ATP12A: variants seen among roughly 807,000 people sequenced by gnomAD.
ATP12A encodes the protein ATPase H+/K+ transporting non-gastric alpha2 subunit, also known as potassium-transporting ATPase alpha chain 2.
ATP12A carries 81 observed loss-of-function variants against 111.2 expected under a neutral mutation model. The observed-to-expected ratio is 0.73, with a 90% CI of 0.61 to 0.88. The LOEUF (loss-of-function observed/expected upper bound fraction) is 0.88, where lower values mean the gene tolerates loss of function less well. Ranked by LOEUF, ATP12A falls within the 40% of genes least tolerant of loss-of-function variation. The probability of loss-of-function intolerance (pLI) is 0.00; values close to 1 mark genes in which losing one functional copy is unlikely to be tolerated. For synonymous variants in ATP12A, 498 were observed against 499.8 expected, an observed-to-expected ratio of 1.00 and a Z score of 0.05; for missense variants, 1,196 against 1,313.1, an observed-to-expected ratio of 0.91 and a Z score of 1.38.
intron 17 of ATP12A, among the ~76,000 whole-genome samples, chr13:24,708,215 C>A (rs951404239): frequency 1.3e-5 from 2 of 152,154 alleles, no homozygotes; most frequent in African/African-American, 2.4e-5. Context: ...AAGCCTTGCC[C>A]TACAGTAATG....
At position 24,690,344 on chromosome 13, in the gene ATP12A, C is replaced by G. The variant is rs764017849; in HGVS notation, c.553C>G (p.Leu185Val). 14 of 1,612,694 alleles carry G rather than the reference C, an allele frequency of 8.7e-6. No homozygotes were observed. The highest frequency in any genetic ancestry group is 1.2e-5 in the Non-Finnish European group (14 of 1,179,788). Residue 185 changes from leucine (L) to valine (V), a missense_variant, in exon 6 of 23, where the codon CTC becomes GTC. Leu to Val is a conservative substitution (Grantham distance 32, BLOSUM62 1). Around this residue, in one of 3 missense-constraint regions of ATP12A, gnomAD observed 1,126 missense variants for 1,228.5 expected, o/e 0.92. Transcript: ENST00000381946. Reference protein sequence around the residue: ...SFNKMIPQQALVIRDSEKKTI... With the variant: ...SFNKMIPQQAVVIRDSEKKTI... Reference sequence around the variant, plus strand: ...TCATGGTTTTTTTCTGCAGCAAGCTCTCGTCATCCGAGATTCCGAGAAGAA... The same window carrying G: ...TCATGGTTTTTTTCTGCAGCAAGCTGTCGTCATCCGAGATTCCGAGAAGAA...
At chr13:24,684,090 T>TC (rs1164567411) in intron 2 of ATP12A, among the ~76,000 whole-genome samples, 2 of 139,938 alleles carry the variant, frequency 1.4e-5, no homozygotes, top group Admixed American at 7.5e-5. Context: ...CATGCTCTCA[T>TC]CCCCCAGCCC....
At position 24,685,265 on chromosome 13, in the gene ATP12A, T is replaced by C; in HGVS notation, c.169-49T>C. On this transcript the variant is annotated intron_variant, in intron 2 of 22. Coordinates refer to ENST00000381946, the MANE Select transcript of ATP12A (RefSeq NM_001676.7). This position sits in a 1 kb window ranked among gnomAD's most constrained non-coding sequence, Gnocchi z 5.5. ...GGCTGGTCAAAGCTTGGGGCTTGAG[T>C]CTTTTGGAATTATCTAATTCACTCT... 6.4e-7 allele frequency: 1 copy of C among 1,574,098 alleles called. No individual in the cohort carries two copies. Among genetic ancestry groups the C allele is most frequent in the Middle Eastern group, 1.7e-4 (1 of 5,996 alleles).
At chr13:24,694,646 T>C in intron 11 of ATP12A, 68 bp downstream of exon 11, 1 of 1,599,946 alleles carries the variant, frequency 6.3e-7, no homozygotes, top group Non-Finnish European at 8.5e-7. Context: ...GCATGCATCC[T>C]TTGCTTACCT....
chr13:24,706,831 G>A (rs1167292994), intron 15 of ATP12A, among the ~76,000 whole-genome samples, 192 bp from the exon 16 acceptor site: 1 of 152,164 alleles, frequency 6.6e-6, no homozygotes, highest in African/African-American at 2.4e-5. Flanking sequence ...TCATTTGCAC[G>A]TATCTTGTTT....
chr13:24,710,649 TGATG>T (rs753375261), intron 20 of ATP12A, 56 bp downstream of exon 20: 3 of 1,611,480 alleles, frequency 1.9e-6, no homozygotes, highest in East Asian at 2.2e-5. Flanking sequence ...GCAAGGATGA[TGATG>T]ATTTGTTTTT....
chr13:24,693,262 G>C (rs189229592), intron 10 of ATP12A, among the ~76,000 whole-genome samples: 1 of 152,108 alleles, frequency 6.6e-6, no homozygotes, highest in Non-Finnish European at 1.5e-5. Context: ...AAGGACTCCT[G>C]TTAACTAGAA....
rs1301077035 is a variant in ATP12A at position 24,699,003 on chromosome 13, G to A, written c.1705+153G>A. ...AGCAGGATGGGAACAAGGAGAGGAT[G>A]CTGTGTGACAGCACCAAGCAGGGTG... On this transcript the variant is annotated intron_variant, in intron 12 of 22. Coordinates refer to ENST00000381946, the MANE Select transcript of ATP12A (RefSeq NM_001676.7). 8.5e-5 allele frequency among the ~76,000 whole-genome samples: 13 copies of A among 152,306 alleles called. 4 individuals are homozygous for A. The highest frequency in any genetic ancestry group is 7.8e-4 in the Admixed American group (12 of 15,300).
chr13:24,692,306 TC>T, intron 8 of ATP12A, 122 bp from the exon 9 acceptor site: 1 of 1,036,248 alleles, frequency 9.7e-7, no homozygotes, highest in East Asian at 2.6e-5. Flanking sequence ...ACCACACCTC[TC>T]CCCTAAAACT....
At chr13:24,688,620 G>C in intron 4 of ATP12A, 98 bp downstream of exon 4, 1 of 1,181,100 alleles carries the variant, frequency 8.5e-7, no homozygotes, top group Non-Finnish European at 1.1e-6. Context: ...GCCTAGGTGT[G>C]GGAAAGTCAG....
chr13:24,686,726 G>C (rs548327418), intron 3 of ATP12A, among the ~76,000 whole-genome samples: 1 of 151,974 alleles, frequency 6.6e-6, no homozygotes, highest in East Asian at 1.9e-4. Flanking sequence ...GCGACAGAGC[G>C]AGACTCTGTC....
rs9581148 is a variant in ATP12A, at chr13:24,685,915, A to C, written c.228+542A>C. Among the ~76,000 whole-genome samples, 21,569 of 152,226 alleles carry C rather than the reference A, an allele frequency of 0.14. 1,604 individuals carry two copies. Among genetic ancestry groups the C allele is most frequent in the Middle Eastern group, 0.23 (67 of 292 alleles). On this transcript the variant is annotated intron_variant, in intron 3 of 22. Transcript: ENST00000381946. This position sits in a 1 kb window ranked among gnomAD's most constrained non-coding sequence, Gnocchi z 5.5. ...GAGGGGACAGGTGCAGCAGGAATGAAGCCAGGAAGGTCATCTGGGTGAAGC... is the reference window on the plus strand; with the variant it reads ...GAGGGGACAGGTGCAGCAGGAATGACGCCAGGAAGGTCATCTGGGTGAAGC...
At position 24,691,191 on chromosome 13, in the gene ATP12A, A is replaced by G; in HGVS notation, c.1009A>G (p.Ile337Val). 1 of 1,614,012 alleles carries G rather than the reference A, an allele frequency of 6.2e-7. No individual in the cohort carries two copies. Among genetic ancestry groups the G allele is most frequent in the South Asian group, 1.1e-5 (1 of 91,068 alleles). ...SLKYQVLDSI[I>V]FLIGIIVANV... ...GAAGTATCAAGTCCTGGACTCCATC[A>G]TCTTCCTCATTGGCATCATTGTGGC... The change falls in exon 8 of 23, where the codon ATC (isoleucine) becomes GTC (valine). Residue 337 changes from isoleucine to valine, a missense_variant. Physicochemically the swap from Ile to Val is conservative, Grantham distance 29. This residue lies in a region of ATP12A where 1,126 missense variants were observed against 1,228.5 expected (regional missense o/e 0.92). Transcript: ENST00000381946.
chr13:24,707,458 C>A, intron 17 of ATP12A, 25 bp downstream of exon 17: 1 of 1,613,694 alleles, frequency 6.2e-7, no homozygotes, highest in Non-Finnish European at 8.5e-7. Context: ...AGGGAACAGG[C>A]TGTGATGCCT....
intron 12 of ATP12A, among the ~76,000 whole-genome samples, chr13:24,700,120 A>G (rs1392333120): frequency 3.9e-5 from 6 of 152,206 alleles, no homozygotes; most frequent in African/African-American, 9.7e-5. Flanking sequence ...CACCAGACAC[A>G]AGAGTCCCTT....
At chr13:24,694,359 A>C in intron 10 of ATP12A, 85 bp from the exon 11 acceptor site, 1 of 1,526,836 alleles carries the variant, frequency 6.5e-7, no homozygotes, top group South Asian at 1.2e-5. Context: ...TAATGGGATC[A>C]GGAGGGTGTG....
Position 24,711,567 on chromosome 13 carries a change from C to G in ATP12A, c.*45C>G, listed in dbSNP as rs1178947320. On this transcript the variant is annotated 3_prime_UTR_variant, in exon 23 of 23. Transcript: ENST00000381946. ...TCTCTCAGCAGCACGTTGGGGCACA[C>G]TTGTTCATCTTCTGACCGTTTGCTG... is the stretch of plus-strand genomic sequence containing the variant. The G allele has an allele frequency of 3.1e-6, 5 of 1,611,806 alleles. No individual in the cohort carries two copies. The highest frequency in any genetic ancestry group is 4.2e-6 in the Non-Finnish European group (5 of 1,178,122).
At chr13:24,710,276 T>C (rs112464672) in intron 19 of ATP12A, among the ~76,000 whole-genome samples, 184 bp from the exon 20 acceptor site, 1 of 152,324 alleles carries the variant, frequency 6.6e-6, no homozygotes, top group South Asian at 2.1e-4. Context: ...TTTAAAAAAT[T>C]AACATTTTTC....
At chr13:24,703,847 T>A (rs1171177524) in intron 14 of ATP12A, among the ~76,000 whole-genome samples, 1 of 150,792 alleles carries the variant, frequency 6.6e-6, no homozygotes, top group Non-Finnish European at 1.5e-5. Flanking sequence ...TAGCAGATTT[T>A]TTTTTTTTTG....
Sources: gnomAD v4.1 joint callset for allele counts (sites outside exome capture counted in the v4.1 genomes callset) on GRCh38, gnomAD v4.1.1 for gene constraint, gnomAD v4.1.1 regional missense constraint, Gnocchi (gnomAD v3.1) non-coding constraint, MANE v1.5 for transcripts, NCBI Gene and HGNC (gene_info 2026-07-23, HGNC 2026-07-21) for gene names.